The following COL21A1 variants were observed in gnomAD, a reference collection of about 807,000 sequenced individuals.
The protein encoded by COL21A1 is collagen alpha-1(XXI) chain.
COL21A1 carries 149 observed loss-of-function variants against 137.9 expected under a neutral mutation model. That is an observed-to-expected ratio of 1.08 (90% CI 0.95 to 1.24). The LOEUF (loss-of-function observed/expected upper bound fraction) is 1.24, where lower values mean the gene tolerates loss of function less well. COL21A1 is among the 50% of genes most tolerant of loss of function. The pLI is 0.00. For missense variants in COL21A1, 1,167 were observed against 1,158.4 expected (o/e 1.01, Z -0.11); for synonymous variants, 456 against 391.5 (o/e 1.16, Z -1.95).
chr6:56,298,190 AC>A (rs1764203112), intron 1 of COL21A1, among the ~76,000 whole-genome samples: 1 of 151,938 alleles, frequency 6.6e-6, no homozygotes, highest in Admixed American at 6.6e-5. Flanking sequence ...TGAAGGGAAT[AC>A]TCCGGAAGAT....
chr6:56,158,107 A>G (rs1042753599), intron 9 of COL21A1, among the ~76,000 whole-genome samples: 1 of 152,108 alleles, frequency 6.6e-6, no homozygotes, highest in Non-Finnish European at 1.5e-5. Flanking sequence ...AAAAAATACT[A>G]AAAAATATCA....
At chr6:56,190,230 T>C (rs1157929962) in intron 1 of COL21A1, among the ~76,000 whole-genome samples, 1 of 151,968 alleles carries the variant, frequency 6.6e-6, no homozygotes, top group Non-Finnish European at 1.5e-5. Context: ...AAGAATCAAA[T>C]AGATGGAATA....
At chr6:56,131,634 C>A (rs1166270667) in intron 12 of COL21A1, among the ~76,000 whole-genome samples, 4 of 151,980 alleles carry the variant, frequency 2.6e-5, no homozygotes, top group Non-Finnish European at 4.4e-5. Flanking sequence ...GAAAAGTAAA[C>A]AAAGAGTGTA....
intron 1 of COL21A1, among the ~76,000 whole-genome samples, chr6:56,222,517 G>C (rs1268371806): frequency 2.6e-5 from 4 of 152,074 alleles, no homozygotes; most frequent in Non-Finnish European, 5.9e-5. Flanking sequence ...TAAAACAAAA[G>C]AGGCATTGCT....
intron 1 of COL21A1, chr6:56,276,688 A>G: frequency 6.9e-7 from 1 of 1,438,964 alleles, no homozygotes; most frequent in East Asian, 2.3e-5. Flanking sequence ...CTTGTCACAA[A>G]TAGTTTAAGA....
chr6:56,334,364 G>A (rs548414408), intron 1 of COL21A1, among the ~76,000 whole-genome samples: 9 of 152,170 alleles, frequency 5.9e-5, no homozygotes, highest in South Asian at 2.1e-4. Context: ...CTTAGAGCAC[G>A]TCTGTGGAGA....
At chr6:56,249,249 ACT>A (rs1418013459), upstream of COL21A1, among the ~76,000 whole-genome samples, 1 of 152,196 alleles carries the variant, frequency 6.6e-6, no homozygotes, top group African/African-American at 2.4e-5. Context: ...AAATTGGAAC[ACT>A]CATATATTCC....
chr6:56,343,348 G>T (rs765683623), intron 1 of COL21A1, among the ~76,000 whole-genome samples: 1 of 152,116 alleles, frequency 6.6e-6, no homozygotes, highest in Non-Finnish European at 1.5e-5. Context: ...TAGTTTCATT[G>T]CCTGAGAAGC....
chr6:56,154,912 T>C (rs1161286232), intron 10 of COL21A1, among the ~76,000 whole-genome samples: 1 of 152,082 alleles, frequency 6.6e-6, no homozygotes, highest in Non-Finnish European at 1.5e-5. Flanking sequence ...TTTCCCCAAG[T>C]TTGCTTTCTT....
chr6:56,155,974 T>G (rs1469422081), intron 10 of COL21A1, among the ~76,000 whole-genome samples: 1 of 152,210 alleles, frequency 6.6e-6, no homozygotes, highest in African/African-American at 2.4e-5. Flanking sequence ...TTGCCTAAAG[T>G]GCTTTAAAGT....
chr6:56,073,975 C>A (rs927550225), intron 20 of COL21A1, among the ~76,000 whole-genome samples: 3 of 151,352 alleles, frequency 2.0e-5, no homozygotes, highest in African/African-American at 2.4e-5. Context: ...ATACTAGACA[C>A]CAAGACACCA....
rs576108111 is a variant in COL21A1, at chr6:56,210,997, AT to A, written c.-38-28342del. Among the ~76,000 whole-genome samples, 233 of 151,894 alleles carry A rather than the reference AT, an allele frequency of 1.5e-3. 1 individual carries two copies. The highest frequency in any genetic ancestry group is 5.3e-3 in the African/African-American group (222 of 41,500). On this transcript the variant is annotated intron_variant, in intron 1 of 29. Coordinates refer to ENST00000244728, the MANE Select transcript of COL21A1 (RefSeq NM_030820.4). ...AGATGATATTCACCATTTAAAAAAA[AT>A]GTATGTGTGTGACAGTAGCAAGGTG...
At chr6:56,089,726 G>A (rs1289990764) in intron 17 of COL21A1, among the ~76,000 whole-genome samples, 1 of 152,082 alleles carries the variant, frequency 6.6e-6, no homozygotes, top group Non-Finnish European at 1.5e-5. Flanking sequence ...TGAGACTACT[G>A]AGCCTACATA....
chr6:56,124,164 C>A (rs747449145), intron 15 of COL21A1, 49 bp from the exon 16 acceptor site: 14 of 1,530,700 alleles, frequency 9.1e-6, no homozygotes, highest in Non-Finnish European at 1.1e-5. Context: ...CTAATTTTTT[C>A]TCTTTAAAGA....
At chr6:56,255,225 A>G (rs1458558953) in intron 1 of COL21A1, among the ~76,000 whole-genome samples, 1 of 152,122 alleles carries the variant, frequency 6.6e-6, no homozygotes, top group East Asian at 1.9e-4. Context: ...TGTTCTATAA[A>G]CCATAGGTAA....
At chr6:56,301,758 G>C (rs925144607) in intron 1 of COL21A1, among the ~76,000 whole-genome samples, 3 of 151,358 alleles carry the variant, frequency 2.0e-5, no homozygotes, top group African/African-American at 7.3e-5. Context: ...TGTGCACAAC[G>C]TGCAGGTTGG....
At chr6:56,284,135 C>T (rs1763849545) in intron 1 of COL21A1, among the ~76,000 whole-genome samples, 2 of 152,172 alleles carry the variant, frequency 1.3e-5, no homozygotes, top group Admixed American at 6.5e-5. Flanking sequence ...GCAACCTCCA[C>T]CTCCTGGGTT....
intron 1 of COL21A1, among the ~76,000 whole-genome samples, chr6:56,218,580 C>G (rs1780630024): frequency 6.6e-6 from 1 of 152,050 alleles, no homozygotes; most frequent in Non-Finnish European, 1.5e-5. Flanking sequence ...ATGTTATACA[C>G]TATTTAAATG....
intron 24 of COL21A1, 93 bp downstream of exon 24, chr6:56,064,485 C>A: frequency 2.4e-6 from 2 of 830,546 alleles, no homozygotes; most frequent in South Asian, 3.1e-5. Context: ...TCCTTCTCCC[C>A]ACCCATTTTT....
Sources: gnomAD v4.1 joint callset for allele counts (sites outside exome capture counted in the v4.1 genomes callset) on GRCh38, gnomAD v4.1.1 for gene constraint, MANE v1.5 for transcripts, NCBI Gene and HGNC (gene_info 2026-07-23, HGNC 2026-07-21) for gene names.